Variants in STK33 observed in about 807,000 individuals in gnomAD.
The protein encoded by STK33 is serine/threonine-protein kinase 33.
STK33 carries 52 observed loss-of-function variants against 58.0 expected under a neutral mutation model. The ratio of observed to expected loss-of-function variants is 0.90; its 90% CI spans 0.72 to 1.13. STK33 has a LOEUF of 1.13. STK33 is among the 50% of genes most tolerant of loss of function. The pLI, the probability that STK33 is intolerant of heterozygous loss-of-function variation, is 0.00. For synonymous variants in STK33, 215 were observed against 200.1 expected (o/e 1.07, Z -0.63); for missense variants, 630 against 604.2 (o/e 1.04, Z -0.45).
the STK33 span, among the ~76,000 whole-genome samples, chr11:8,350,821 G>A: frequency 2.0e-5 from 3 of 152,134 alleles, no homozygotes; most frequent in African/African-American, 4.8e-5. Flanking sequence ...CTTTAGAAAT[G>A]GCACATGCTG....
chr11:8,375,183 G>C, the STK33 span, among the ~76,000 whole-genome samples: 4 of 152,190 alleles, frequency 2.6e-5, no homozygotes, highest in African/African-American at 9.7e-5. Flanking sequence ...TTTAACTACA[G>C]ACTACTATTA....
the STK33 span, among the ~76,000 whole-genome samples, chr11:8,382,550 A>T: frequency 5.3e-5 from 8 of 152,170 alleles, no homozygotes; most frequent in Non-Finnish European, 1.0e-4. Context: ...CATTCCATTT[A>T]GGCAAAGAAG....
At chr11:8,433,279 T>A (rs1453942185) in intron 14 of STK33, among the ~76,000 whole-genome samples, 1 of 152,192 alleles carries the variant, frequency 6.6e-6, no homozygotes, top group Non-Finnish European at 1.5e-5. Flanking sequence ...TTCAAAGAAA[T>A]GATTAGAAAT....
intron 5 of STK33, among the ~76,000 whole-genome samples, chr11:8,473,969 TCAA>T (rs1472273816): frequency 6.6e-6 from 1 of 152,030 alleles, no homozygotes; most frequent in Non-Finnish European, 1.5e-5. Context: ...GGTCGGGAGT[TCAA>T]GACCAGCCTG....
chr11:8,380,267 C>T, the STK33 span, among the ~76,000 whole-genome samples: 5 of 152,044 alleles, frequency 3.3e-5, no homozygotes, highest in South Asian at 4.2e-4. Context: ...GCCTTAAGAA[C>T]GGCCATTATT....
At chr11:8,376,686 C>T in the STK33 span, among the ~76,000 whole-genome samples, 2 of 152,034 alleles carry the variant, frequency 1.3e-5, no homozygotes, top group Admixed American at 1.3e-4. Context: ...GGACTACAGG[C>T]ACCAGCCACC....
Position 8,436,112 on chromosome 11 carries a change from T to C in STK33, c.975A>G (p.Ala325=). 6.3e-7 allele frequency: 1 copy of C among 1,584,434 alleles called. No homozygotes were observed. The highest frequency in any genetic ancestry group is 8.6e-7 in the Non-Finnish European group (1 of 1,166,702). The change falls in exon 13 of 16, where the codon GCA becomes GCG. Residue 325 remains alanine (A), a synonymous_variant. Transcript: ENST00000687296. ...MLLRGEPPFL[A]SSEEKLFELI... ...ACTCAAAAAGCTTCTCTTCTGAGCT[T>C]GCCAAAAAGGGTGGTTCTCCACGTA...
chr11:8,403,196 T>G (rs1007913609), intron 15 of STK33, among the ~76,000 whole-genome samples: 2 of 152,172 alleles, frequency 1.3e-5, no homozygotes, highest in Non-Finnish European at 2.9e-5. Flanking sequence ...TCTTTGAAGA[T>G]ACTAGTCTAT....
At chr11:8,448,547 C>T (rs11524873) in intron 11 of STK33, among the ~76,000 whole-genome samples, 4 of 152,030 alleles carry the variant, frequency 2.6e-5, no homozygotes, top group Non-Finnish European at 5.9e-5. Flanking sequence ...ATTCCCTATT[C>T]AATAAATGGT....
intron 10 of STK33, among the ~76,000 whole-genome samples, chr11:8,453,171 A>G (rs1255369024): frequency 6.6e-6 from 1 of 152,172 alleles, no homozygotes; most frequent in Non-Finnish European, 1.5e-5. Context: ...GATTAAATTC[A>G]CCAGTCTAAC....
intron 15 of STK33, among the ~76,000 whole-genome samples, chr11:8,402,303 A>G (rs1938183759): frequency 1.3e-5 from 2 of 152,210 alleles, no homozygotes. Flanking sequence ...TGATGAGTTC[A>G]TGTCCTTTGT....
chr11:8,336,807 T>A, the STK33 span, among the ~76,000 whole-genome samples: 2 of 152,262 alleles, frequency 1.3e-5, no homozygotes, highest in Non-Finnish European at 2.9e-5. Flanking sequence ...GGGCTAAGGC[T>A]GGGCGGTGGC....
rs550875289 is a variant in STK33 at position 8,409,970 on chromosome 11, C to A, written c.1344+3525G>T. 1.1e-4 allele frequency among the ~76,000 whole-genome samples: 16 copies of A among 152,092 alleles called. 1 individual carries two copies. In the East Asian group the frequency reaches 3.1e-3, roughly 29 times the overall value. On this transcript the variant is annotated intron_variant, in intron 15 of 15. Coordinates refer to ENST00000687296, the MANE Select transcript of STK33 (RefSeq NM_001352389.2). ...GAATCTGAATCCAGGCAGCCTAGAT[C>A]CGAAGTTATACTTTTAACTATTATG...
At chr11:8,513,478 C>G (rs1336337917) in intron 1 of STK33, among the ~76,000 whole-genome samples, 1 of 152,098 alleles carries the variant, frequency 6.6e-6, no homozygotes, top group Non-Finnish European at 1.5e-5. Flanking sequence ...CTGTATCAAC[C>G]AAAAACAGAA....
chr11:8,362,186 T>C, the STK33 span, among the ~76,000 whole-genome samples: 6 of 152,266 alleles, frequency 3.9e-5, no homozygotes, highest in African/African-American at 1.4e-4. Context: ...AGGTCACATA[T>C]CGGCAACCGA....
chr11:8,556,343 T>C (rs766898480), intron 1 of STK33, among the ~76,000 whole-genome samples: 2 of 152,132 alleles, frequency 1.3e-5, no homozygotes, highest in Admixed American at 6.5e-5. Context: ...GCACAGTGAG[T>C]ATAATGTAAG....
intron 11 of STK33, among the ~76,000 whole-genome samples, chr11:8,451,278 A>T (rs1043603503): frequency 2.6e-5 from 4 of 152,240 alleles, no homozygotes; most frequent in African/African-American, 9.6e-5. Context: ...AAAGACCTGT[A>T]CATGAATATT....
At chr11:8,346,193 G>A in the STK33 span, among the ~76,000 whole-genome samples, 1 of 152,232 alleles carries the variant, frequency 6.6e-6, no homozygotes, top group South Asian at 2.1e-4. Context: ...GGCCAAAAAG[G>A]AGTTATGTGT....
chr11:8,348,249 A>G, the STK33 span, among the ~76,000 whole-genome samples: 1 of 152,198 alleles, frequency 6.6e-6, no homozygotes, highest in African/African-American at 2.4e-5. Context: ...TGCTGCTAAT[A>G]AAGACATACC....
Sources: allele counts gnomAD v4.1 joint callset (sites outside exome capture counted in the v4.1 genomes callset), GRCh38; gene constraint gnomAD v4.1.1; transcripts MANE v1.5; gene names NCBI Gene and HGNC (gene_info 2026-07-23, HGNC 2026-07-21).